GLIS3: variants seen among roughly 807,000 people sequenced by gnomAD.
GLIS3 encodes GLIS family zinc finger 3, also known as zinc finger protein GLIS3.
Under a neutral mutation model 78.6 loss-of-function variants are expected in GLIS3, and 53 were observed. The observed-to-expected ratio is 0.67, with a 90% CI of 0.54 to 0.85. GLIS3 has a LOEUF of 0.85. Ranked by LOEUF, GLIS3 falls within the 40% of genes least tolerant of loss-of-function variation. GLIS3 has a pLI of 0.00. For missense variants in GLIS3, 1,703 were observed against 1,231.1 expected (o/e 1.38, Z -5.74); for synonymous variants, 684 against 509.9 (o/e 1.34, Z -4.60).
chr9:4,126,419 G>A (rs1832583242), intron 2 of GLIS3, among the ~76,000 whole-genome samples: 1 of 152,146 alleles, frequency 6.6e-6, no homozygotes, highest in Non-Finnish European at 1.5e-5. Context: ...GTCTGGCTGT[G>A]TCTCTCTACT....
chr9:4,166,555 G>T (rs1815858286), intron 2 of GLIS3, among the ~76,000 whole-genome samples: 1 of 152,228 alleles, frequency 6.6e-6, no homozygotes, highest in Non-Finnish European at 1.5e-5. Context: ...TTCAAGTGCT[G>T]GCCTGAGTAC....
intron 4 of GLIS3, among the ~76,000 whole-genome samples, chr9:3,966,462 G>A (rs777004173): frequency 6.7e-6 from 1 of 150,038 alleles, no homozygotes; most frequent in Non-Finnish European, 1.5e-5. Context: ...AATGCTAATT[G>A]ATGATATAAA....
intron 6 of GLIS3, among the ~76,000 whole-genome samples, chr9:3,920,695 G>A (rs1343797041): frequency 6.7e-6 from 1 of 148,896 alleles, no homozygotes; most frequent in African/African-American, 2.5e-5. Context: ...AATGAAATCC[G>A]ATTTCTATAT....
At chr9:4,066,992 G>A (rs1827156297) in intron 4 of GLIS3, among the ~76,000 whole-genome samples, 1 of 152,122 alleles carries the variant, frequency 6.6e-6, no homozygotes, top group Middle Eastern at 3.2e-3. Context: ...CCACCACACA[G>A]TGACATGCAG....
intron 8 of GLIS3, among the ~76,000 whole-genome samples, chr9:3,870,540 T>C (rs751539783): frequency 2.0e-5 from 3 of 152,214 alleles, no homozygotes; most frequent in Non-Finnish European, 4.4e-5. Context: ...CTCACAATCA[T>C]GGCAGAAGGT....
At chr9:4,486,048 T>G in the GLIS3 span, among the ~76,000 whole-genome samples, 7 of 152,180 alleles carry the variant, frequency 4.6e-5, no homozygotes, top group Admixed American at 3.3e-4. Flanking sequence ...TCGGGGAGAT[T>G]TTTATTATTT....
chr9:4,143,294 C>T (rs1287137880), intron 2 of GLIS3, among the ~76,000 whole-genome samples: 1 of 152,006 alleles, frequency 6.6e-6, no homozygotes, highest in Non-Finnish European at 1.5e-5. Flanking sequence ...TGGCCGGGCA[C>T]AGTGGCTCAC....
intron 4 of GLIS3, among the ~76,000 whole-genome samples, chr9:4,058,629 G>C (rs1826344879): frequency 1.3e-5 from 2 of 152,116 alleles, no homozygotes; most frequent in Admixed American, 1.3e-4. Flanking sequence ...TCTTGGCCAA[G>C]AGCGACATTT....
chr9:3,919,079 T>C (rs1484210659), intron 6 of GLIS3, among the ~76,000 whole-genome samples: 1 of 152,122 alleles, frequency 6.6e-6, no homozygotes, highest in Non-Finnish European at 1.5e-5. Context: ...TTGCCCCAAC[T>C]GGATGGTACT....
intron 8 of GLIS3, among the ~76,000 whole-genome samples, chr9:3,856,447 A>G (rs1025737467): frequency 2.6e-5 from 4 of 152,212 alleles, no homozygotes; most frequent in African/African-American, 9.6e-5. Flanking sequence ...GTTTCTCAAG[A>G]TTTCTAAGCT....
the GLIS3 span, among the ~76,000 whole-genome samples, chr9:4,395,982 T>C: frequency 2.0e-5 from 3 of 151,696 alleles, no homozygotes; most frequent in East Asian, 5.8e-4. Flanking sequence ...CCATGTTGGC[T>C]AGGATGGTGT....
At chr9:4,446,807 G>C in the GLIS3 span, among the ~76,000 whole-genome samples, 6 of 151,782 alleles carry the variant, frequency 4.0e-5, no homozygotes, top group Non-Finnish European at 8.8e-5. Context: ...CACTGCGCCT[G>C]GTCCCAAATT....
At chr9:4,159,707 A>G (rs1037596511) in intron 2 of GLIS3, among the ~76,000 whole-genome samples, 2 of 147,876 alleles carry the variant, frequency 1.4e-5, no homozygotes, top group Non-Finnish European at 3.0e-5. Flanking sequence ...TGAAGAAGTG[A>G]GACTCCATTT....
At chr9:3,987,778 A>C (rs536883554) in intron 4 of GLIS3, among the ~76,000 whole-genome samples, 25 of 144,782 alleles carry the variant, frequency 1.7e-4, no homozygotes, top group South Asian at 6.6e-4. Context: ...AAAAAAAAAA[A>C]AAAAAAAAAA....
chr9:4,305,211 A>T (rs1421179319), intron 4 of GLIS3: 2 of 152,228 alleles, frequency 1.3e-5, no homozygotes, highest in South Asian at 4.1e-4. Flanking sequence ...TTTTCAGGGC[A>T]GGAAACCCTA....
chr9:4,338,396 A>ACACACACACACACACATACACACG (rs1817786540), intron 2 of GLIS3, among the ~76,000 whole-genome samples: 1 of 150,696 alleles, frequency 6.6e-6, no homozygotes, highest in African/African-American at 2.5e-5. Context: ...ACATACACAC[A>ACACACACACACACACATACACACG]CACACACACA....
At chr9:4,005,757 T>C (rs1359865844) in intron 4 of GLIS3, among the ~76,000 whole-genome samples, 2 of 152,230 alleles carry the variant, frequency 1.3e-5, no homozygotes, top group Non-Finnish European at 2.9e-5. Context: ...GAATTCATGA[T>C]GGTATATCCA....
chr9:3,979,949 C>G (rs1390371259), intron 4 of GLIS3, among the ~76,000 whole-genome samples: 1 of 152,076 alleles, frequency 6.6e-6, no homozygotes, highest in East Asian at 1.9e-4. Flanking sequence ...TAAGGAACGG[C>G]AGATAACGGT....
At chr9:4,153,051 C>G (rs1201905527) in intron 2 of GLIS3, among the ~76,000 whole-genome samples, 1 of 152,182 alleles carries the variant, frequency 6.6e-6, no homozygotes. Context: ...AGCAGCATCT[C>G]TAGCCTCTTA....
Sources: allele counts gnomAD v4.1 joint callset (sites outside exome capture counted in the v4.1 genomes callset), GRCh38; gene constraint gnomAD v4.1.1; transcripts MANE v1.5; gene names NCBI Gene and HGNC (gene_info 2026-07-23, HGNC 2026-07-21).